The following PID1 variants were observed in gnomAD, a reference collection of about 807,000 sequenced individuals.
PID1 encodes the protein PTB-containing, cubilin and LRP1-interacting protein.
Under a neutral mutation model 19.1 loss-of-function variants are expected in PID1, and 10 were observed. The ratio of observed to expected loss-of-function variants is 0.52; its 90% CI spans 0.32 to 0.89. PID1 has a LOEUF of 0.89. Ranked by LOEUF, PID1 falls within the 40% of genes least tolerant of loss-of-function variation. PID1 has a pLI of 0.03. For synonymous variants in PID1, 130 were observed against 116.0 expected (o/e 1.12, Z -0.78); for missense variants, 248 against 285.3 (o/e 0.87, Z 0.94).
intron 2 of PID1, among the ~76,000 whole-genome samples, chr2:229,146,173 T>C (rs141670580): frequency 5.3e-5 from 8 of 152,286 alleles, no homozygotes; most frequent in African/African-American, 1.2e-4. Context: ...CAGTCTATCA[T>C]TGATGGGCAT....
intron 1 of PID1, among the ~76,000 whole-genome samples, chr2:229,250,791 A>T (rs1690130255): frequency 6.6e-6 from 1 of 151,974 alleles, no homozygotes; most frequent in Non-Finnish European, 1.5e-5. Context: ...GATGATGAAG[A>T]CCCTCATCTT....
At chr2:229,141,654 T>A (rs62190381) in intron 2 of PID1, among the ~76,000 whole-genome samples, 32,988 of 151,968 alleles carry the variant, frequency 0.22, 4,035 homozygotes, top group South Asian at 0.48. Context: ...GGGGGGGAAC[T>A]AATTTCAGTG....
chr2:229,122,732 A>G (rs187550685), intron 2 of PID1, among the ~76,000 whole-genome samples: 2 of 152,314 alleles, frequency 1.3e-5, no homozygotes, highest in African/African-American at 4.8e-5. Context: ...GTTTATTAGA[A>G]AATATCATGA....
chr2:229,266,615 G>C (rs995423033), intron 1 of PID1, among the ~76,000 whole-genome samples: 1 of 152,222 alleles, frequency 6.6e-6, no homozygotes, highest in Non-Finnish European at 1.5e-5. Context: ...CTATGGTGAA[G>C]TGCTTAAGAA....
chr2:229,225,310 C>T lies in PID1; in HGVS notation c.30+45704G>A, dbSNP rs543384224. ...GCAGCCTGTACCCACAGAGAAGCAC[C>T]GGATAAATTACAGTAATGCATGGGT... is the stretch of plus-strand genomic sequence containing the variant. On this transcript the variant is annotated intron_variant, in intron 1 of 2. Coordinates refer to ENST00000392055, the MANE Select transcript of PID1 (RefSeq NM_001100818.2). Among the ~76,000 whole-genome samples, 26 of 152,224 alleles carry T rather than the reference C, an allele frequency of 1.7e-4. No individual in the cohort carries two copies. In the East Asian group the frequency reaches 2.7e-3, roughly 16 times the overall value.
intron 2 of PID1, among the ~76,000 whole-genome samples, chr2:229,064,412 G>C (rs193274198): frequency 6.6e-6 from 1 of 152,068 alleles, no homozygotes; most frequent in Non-Finnish European, 1.5e-5. Context: ...GAAAAATGAT[G>C]AATTAAGTTT....
chr2:229,105,713 AC>A (rs1283143826), intron 2 of PID1, among the ~76,000 whole-genome samples: 1 of 152,224 alleles, frequency 6.6e-6, no homozygotes, highest in African/African-American at 2.4e-5. Context: ...TATCCCAGTT[AC>A]AGATGAGGAA....
intron 2 of PID1, among the ~76,000 whole-genome samples, chr2:229,152,215 T>A (rs966615521): frequency 3.3e-5 from 5 of 152,176 alleles, no homozygotes; most frequent in African/African-American, 1.2e-4. Context: ...GTCAATTACA[T>A]GGTACAATTT....
intron 2 of PID1, among the ~76,000 whole-genome samples, chr2:229,093,723 T>C (rs1295435095): frequency 6.6e-6 from 1 of 151,172 alleles, no homozygotes; most frequent in African/African-American, 2.4e-5. Context: ...AATAGATGCA[T>C]AAAAGGCATT....
At chr2:229,137,646 T>C (rs573387855) in intron 2 of PID1, among the ~76,000 whole-genome samples, 1 of 152,074 alleles carries the variant, frequency 6.6e-6, no homozygotes, top group Non-Finnish European at 1.5e-5. Context: ...CTTACAAAAA[T>C]AAATAAAGTA....
chr2:229,061,562 T>C (rs1694212768), intron 2 of PID1, among the ~76,000 whole-genome samples: 1 of 152,104 alleles, frequency 6.6e-6, no homozygotes, highest in African/African-American at 2.4e-5. Flanking sequence ...TTTGTTCTTT[T>C]TGCTCAAGAT....
intron 1 of PID1, among the ~76,000 whole-genome samples, chr2:229,239,153 T>C (rs904654062): frequency 1.3e-5 from 2 of 152,126 alleles, no homozygotes; most frequent in Non-Finnish European, 2.9e-5. Flanking sequence ...CTGGGAAAGC[T>C]TGTTAAAGCA....
intron 2 of PID1, among the ~76,000 whole-genome samples, chr2:229,082,002 C>CACAAAT (rs1265604752): frequency 1.3e-5 from 2 of 152,162 alleles, no homozygotes; most frequent in African/African-American, 4.8e-5. Flanking sequence ...GAGAGTGAAA[C>CACAAAT]ACAAATTATA....
chr2:229,112,255 GA>G (rs1559238112), intron 2 of PID1, among the ~76,000 whole-genome samples: 2 of 152,164 alleles, frequency 1.3e-5, no homozygotes, highest in African/African-American at 4.8e-5. Context: ...ACATTCTAGA[GA>G]GGAAGAATTA....
intron 2 of PID1, among the ~76,000 whole-genome samples, chr2:229,040,587 A>G (rs1693752781): frequency 6.6e-6 from 1 of 152,194 alleles, no homozygotes; most frequent in South Asian, 2.1e-4. Context: ...ACAAAAATTA[A>G]CACAATCAAG....
At chr2:229,236,493 G>C (rs1262732066) in intron 1 of PID1, 1 of 151,990 alleles carries the variant, frequency 6.6e-6, no homozygotes, top group Non-Finnish European at 1.5e-5. Context: ...ATTTCAGGAG[G>C]GACTTTCCTG....
chr2:229,262,552 A>C, intron 1 of PID1: 1 of 1,346,052 alleles, frequency 7.4e-7, no homozygotes, highest in Non-Finnish European at 9.7e-7. Flanking sequence ...GGATACCTAC[A>C]TCACAGAAGT....
chr2:229,220,610 T>C (rs1196752481), intron 1 of PID1, among the ~76,000 whole-genome samples: 1 of 152,136 alleles, frequency 6.6e-6, no homozygotes. Flanking sequence ...GGTGATTCTA[T>C]GAGTTCAGTC....
intron 1 of PID1, among the ~76,000 whole-genome samples, chr2:229,208,394 T>C (rs1691654900): frequency 6.6e-6 from 1 of 152,226 alleles, no homozygotes; most frequent in Admixed American, 6.5e-5. Context: ...AGAATCCAAG[T>C]AACAATTGTC....
Sources: allele counts gnomAD v4.1 joint callset (sites outside exome capture counted in the v4.1 genomes callset), GRCh38; gene constraint gnomAD v4.1.1; transcripts MANE v1.5; gene names NCBI Gene and HGNC (gene_info 2026-07-23, HGNC 2026-07-21).